The following TMIGD3 variants were observed in gnomAD, a reference collection of about 807,000 sequenced individuals.
The protein encoded by TMIGD3 is transmembrane and immunoglobulin domain containing 3.
Under a neutral mutation model 28.1 loss-of-function variants are expected in TMIGD3, and 21 were observed. The ratio of observed to expected loss-of-function variants is 0.75; its 90% CI spans 0.53 to 1.08. The LOEUF (loss-of-function observed/expected upper bound fraction) is 1.08, where lower values mean the gene tolerates loss of function less well. Ranked by LOEUF, TMIGD3 falls within the 50% of genes least tolerant of loss-of-function variation. The pLI is 0.00. For synonymous variants in TMIGD3, 151 were observed against 162.1 expected, an observed-to-expected ratio of 0.93 and a Z score of 0.52; for missense variants, 416 against 435.6, an observed-to-expected ratio of 0.96 and a Z score of 0.40.
intron 1 of TMIGD3, among the ~76,000 whole-genome samples, chr1:111,517,805 T>G (rs543729663): frequency 8.5e-5 from 13 of 152,324 alleles, no homozygotes; most frequent in Admixed American, 4.6e-4. Context: ...GCATGGATTA[T>G]CTATTTCTGT....
chr1:111,501,126 A>G (rs1655151711), intron 1 of TMIGD3: 1 of 154,426 alleles, frequency 6.5e-6, no homozygotes, highest in African/African-American at 2.4e-5. Context: ...TGTTCTTGGC[A>G]CTGTTCTGTT....
chr1:111,516,323 C>G (rs1480194103), intron 1 of TMIGD3, among the ~76,000 whole-genome samples: 1 of 152,156 alleles, frequency 6.6e-6, no homozygotes, highest in Non-Finnish European at 1.5e-5. Flanking sequence ...TGTAGAAAAG[C>G]CAAGTTCTGA....
chr1:111,492,561 A>G (rs1253039060), intron 1 of TMIGD3, among the ~76,000 whole-genome samples: 2 of 151,976 alleles, frequency 1.3e-5, no homozygotes, highest in Non-Finnish European at 2.9e-5. Context: ...CACGCCTGTA[A>G]TCCCAGCACT....
At chr1:111,560,877 T>G (rs1460958903) in intron 1 of TMIGD3, among the ~76,000 whole-genome samples, 3 of 152,212 alleles carry the variant, frequency 2.0e-5, no homozygotes, top group African/African-American at 7.2e-5. Flanking sequence ...TTGCCAGGCC[T>G]TTCCTCTTGC....
At chr1:111,504,359 T>C (rs1655400120), upstream of TMIGD3, among the ~76,000 whole-genome samples, 1 of 152,176 alleles carries the variant, frequency 6.6e-6, no homozygotes, top group Non-Finnish European at 1.5e-5. Flanking sequence ...CAGAATCAAA[T>C]GGCATATCCT....
intron 1 of TMIGD3, among the ~76,000 whole-genome samples, chr1:111,522,604 C>A (rs1656111721): frequency 6.6e-6 from 1 of 151,656 alleles, no homozygotes; most frequent in Non-Finnish European, 1.5e-5. Context: ...GCAACCTCCA[C>A]CTCCTGGGTT....
At chr1:111,544,315 A>T (rs566594007) in intron 1 of TMIGD3, among the ~76,000 whole-genome samples, 13 of 152,200 alleles carry the variant, frequency 8.5e-5, no homozygotes, top group Non-Finnish European at 1.9e-4. Flanking sequence ...ACAATGTTGT[A>T]CAACCATCAC....
At chr1:111,531,012 C>T (rs78725944) in intron 1 of TMIGD3, among the ~76,000 whole-genome samples, 47 of 152,284 alleles carry the variant, frequency 3.1e-4, no homozygotes, top group African/African-American at 7.2e-4. Flanking sequence ...TGCTTTTTCA[C>T]TTTTAAACAT....
upstream of TMIGD3, chr1:111,503,950 G>T: frequency 1.0e-6 from 1 of 985,436 alleles, no homozygotes; most frequent in Non-Finnish European, 1.2e-6. Flanking sequence ...CAATCTTTCT[G>T]CCAGCTTAGC....
intron 2 of TMIGD3, chr1:111,489,776 T>C (rs1299301591): frequency 4.0e-6 from 4 of 1,010,948 alleles, no homozygotes; most frequent in Middle Eastern, 2.8e-4. Flanking sequence ...GAGGAAGTCA[T>C]GTTCTGTCTT....
intron 1 of TMIGD3, among the ~76,000 whole-genome samples, chr1:111,511,453 T>G (rs952868560): frequency 6.6e-6 from 1 of 152,218 alleles, no homozygotes; most frequent in Non-Finnish European, 1.5e-5. Flanking sequence ...GAAGGGATAT[T>G]TGGAAGACCT....
intron 1 of TMIGD3, among the ~76,000 whole-genome samples, chr1:111,551,347 A>C (rs1657251021): frequency 6.6e-6 from 1 of 152,148 alleles, no homozygotes; most frequent in Non-Finnish European, 1.5e-5. Context: ...TTCTGTGTTA[A>C]ATAGACACTT....
intron 1 of TMIGD3, among the ~76,000 whole-genome samples, chr1:111,538,473 T>C (rs1656715059): frequency 6.6e-6 from 1 of 152,298 alleles, no homozygotes. Flanking sequence ...TGTCTCTCTT[T>C]TGTTGTGGCT....
rs549102870 is a variant in TMIGD3, at chr1:111,510,086, T to C, written c.108-19324A>G. The stretch of plus-strand genomic sequence containing the variant: ...TAATGGGTAGACTTGCTTCCTAGGC[T>C]GGGCCAGATATTGAAGGCTGTGCAT... On this transcript the variant is annotated intron_variant, in intron 1 of 5. Coordinates refer to the TMIGD3 transcript ENST00000369717. Among the ~76,000 whole-genome samples the C allele has an allele frequency of 1.3e-3, 203 of 152,346 alleles. 1 individual carries two copies. The highest frequency in any genetic ancestry group is 2.5e-3 in the Non-Finnish European group (168 of 68,034).
At chr1:111,508,105 G>A (rs979403636), upstream of TMIGD3, among the ~76,000 whole-genome samples, 3 of 152,232 alleles carry the variant, frequency 2.0e-5, no homozygotes, top group Non-Finnish European at 2.9e-5. Context: ...CCTGGAAAGG[G>A]AGGTCAAGGT....
At chr1:111,493,737 T>C (rs1309809788) in intron 1 of TMIGD3, among the ~76,000 whole-genome samples, 1 of 152,230 alleles carries the variant, frequency 6.6e-6, no homozygotes, top group African/African-American at 2.4e-5. Flanking sequence ...GAAGCTTAAG[T>C]CGCTTGCCCA....
chr1:111,501,370 C>T (rs1174667196), intron 1 of TMIGD3: 1 of 151,990 alleles, frequency 6.6e-6, no homozygotes, highest in Non-Finnish European at 1.5e-5. Context: ...CTATACAGAC[C>T]ACAAAAAGGA....
chr1:111,562,887 G>A (rs1657795288), intron 1 of TMIGD3, among the ~76,000 whole-genome samples: 1 of 152,188 alleles, frequency 6.6e-6, no homozygotes, highest in Non-Finnish European at 1.5e-5. Context: ...TAGATGCTTA[G>A]CCTTGTGCTG....
intron 1 of TMIGD3, among the ~76,000 whole-genome samples, chr1:111,534,257 C>T (rs935269517): frequency 3.3e-5 from 5 of 152,288 alleles, no homozygotes; most frequent in Admixed American, 3.3e-4. Flanking sequence ...GACAGCACAG[C>T]ATTCAATTGT....
Sources: gnomAD v4.1 joint callset for allele counts (sites outside exome capture counted in the v4.1 genomes callset) on GRCh38, gnomAD v4.1.1 for gene constraint, MANE v1.5 for transcripts, NCBI Gene and HGNC (gene_info 2026-07-23, HGNC 2026-07-21) for gene names.